EIPR1: variants seen among roughly 807,000 people sequenced by gnomAD.
EIPR1 encodes the protein EARP and GARP complex-interacting protein 1.
Under a neutral mutation model 48.1 loss-of-function variants are expected in EIPR1, and 25 were observed. The observed-to-expected ratio is 0.52, with a 90% CI of 0.38 to 0.73. The LOEUF (loss-of-function observed/expected upper bound fraction) is 0.73, where lower values mean the gene tolerates loss of function less well. EIPR1 is among the 30% of genes least tolerant of loss of function. The probability of loss-of-function intolerance (pLI) is 0.00; values close to 1 mark genes in which losing one functional copy is unlikely to be tolerated. For synonymous variants in EIPR1, 204 were observed against 201.9 expected, an observed-to-expected ratio of 1.01 and a Z score of -0.09; for missense variants, 415 against 506.2, an observed-to-expected ratio of 0.82 and a Z score of 1.73.
intron 4 of EIPR1, among the ~76,000 whole-genome samples, chr2:3,231,194 T>C (rs955281510): frequency 6.6e-6 from 1 of 152,256 alleles, no homozygotes; most frequent in African/African-American, 2.4e-5. Context: ...TGTATGCAGA[T>C]TTTGTATCCT....
chr2:3,199,431 G>T (rs550074152), intron 5 of EIPR1, among the ~76,000 whole-genome samples: 1 of 152,218 alleles, frequency 6.6e-6, no homozygotes, highest in East Asian at 1.9e-4. Context: ...ATTGATTGGG[G>T]AAGTGATAAA....
At chr2:3,253,894 T>C (rs1667076367) in intron 4 of EIPR1, among the ~76,000 whole-genome samples, 1 of 152,088 alleles carries the variant, frequency 6.6e-6, no homozygotes, top group Non-Finnish European at 1.5e-5. Flanking sequence ...CCTAACACCA[T>C]TTCCTGCGGT....
At chr2:3,214,482 C>T (rs974686358) in intron 4 of EIPR1, 7 of 422,478 alleles carry the variant, frequency 1.7e-5, no homozygotes, top group South Asian at 3.1e-5. Context: ...CCTAGCCCCC[C>T]ACCTGGTGTG....
At chr2:3,355,812 TAAATA>T (rs10581799) in intron 1 of EIPR1, among the ~76,000 whole-genome samples, 82,922 of 148,706 alleles carry the variant, frequency 0.56, 24,372 homozygotes, top group Admixed American at 0.65. Flanking sequence ...AGACCCTGTC[TAAATA>T]AAATAAAATA....
chr2:3,244,582 C>T (rs1666737845), intron 4 of EIPR1, among the ~76,000 whole-genome samples: 1 of 152,142 alleles, frequency 6.6e-6, no homozygotes, highest in South Asian at 2.1e-4. Flanking sequence ...AAAATCAGTG[C>T]CCTTTATCAA....
intron 4 of EIPR1, among the ~76,000 whole-genome samples, chr2:3,240,980 C>T (rs941198666): frequency 9.9e-5 from 12 of 120,978 alleles, no homozygotes; most frequent in South Asian, 5.4e-4. Flanking sequence ...GCAAAGCCAG[C>T]AGATCCCTCC....
chr2:3,296,231 GCCCATCCTCACCACACACAGACAC>G (rs1668587320), intron 3 of EIPR1, among the ~76,000 whole-genome samples: 4 of 67,054 alleles, frequency 6.0e-5, no homozygotes, highest in African/African-American at 1.9e-4. Flanking sequence ...CCTCCATCCA[GCCCATCCTCACCACACACAGACAC>G]CCTCCATCCA....
In EIPR1 at chr2:3,189,136, G is replaced by T. The variant is rs964241660; in HGVS notation, c.*198C>A. ...GCTCTGTCTCTGCCGACAGGGGCTG[G>T]GTTCGGGCATTAGCTGTGCCGTCGA... On this transcript the variant is annotated 3_prime_UTR_variant, in exon 9 of 9. Transcript: ENST00000382125. The surrounding 1 kb of genome is among the most constrained non-coding windows in gnomAD (Gnocchi z 4.6). 2.2e-5 allele frequency: 10 copies of T among 448,626 alleles called. 1 individual carries two copies. The highest frequency in any genetic ancestry group is 3.8e-5 in the Non-Finnish European group (10 of 261,174). The allele number at this position is 448,626 out of a possible 1,614,324, so 27.8% of individuals were successfully genotyped here. A position where few individuals can be genotyped will look rare whatever the true frequency, so the allele number is the denominator to read the frequency against.
chr2:3,206,386 C>T (rs2103122909), intron 5 of EIPR1, among the ~76,000 whole-genome samples: 1 of 152,346 alleles, frequency 6.6e-6, no homozygotes, highest in East Asian at 1.9e-4. Context: ...CTCCCACACA[C>T]CACCAAGGGT....
In EIPR1 at chr2:3,194,175, G is replaced by A; in HGVS notation, c.654-9C>T. ...CTATGCAGTAGATCTGGCTGAGGGAGAAGGAAGAACAGCAAAGGAAAATAG... is the reference window on the plus strand; with the variant it reads ...CTATGCAGTAGATCTGGCTGAGGGAAAAGGAAGAACAGCAAAGGAAAATAG... On this transcript the variant is annotated splice_polypyrimidine_tract_variant and intron_variant, in intron 6 of 8. Coordinates refer to ENST00000382125, the MANE Select transcript of EIPR1 (RefSeq NM_003310.5). 1 of 1,612,726 alleles carries A rather than the reference G, an allele frequency of 6.2e-7. No homozygotes were observed. Among genetic ancestry groups the A allele is most frequent in the Non-Finnish European group, 8.5e-7 (1 of 1,179,220 alleles).
At chr2:3,365,627 C>A (rs1008901948) in intron 1 of EIPR1, among the ~76,000 whole-genome samples, 7 of 150,108 alleles carry the variant, frequency 4.7e-5, no homozygotes, top group African/African-American at 1.5e-4. Flanking sequence ...GGCAGAGGAC[C>A]CTGCGGCCTT....
chr2:3,196,852 T>C lies in EIPR1; in HGVS notation c.653+29A>G, dbSNP rs758174713. 6 of 1,609,916 alleles carry C rather than the reference T, an allele frequency of 3.7e-6. No individual in the cohort carries two copies. The South Asian group carries it at 5.5e-5, about 15-fold the overall frequency. On this transcript the variant is annotated intron_variant, in intron 6 of 8. Transcript: ENST00000382125. ...CTGCTCGGTGAGGGAGGAAAGGAAG[T>C]GGGGCCTGCGCCGGGTGGGCTCACT... is the stretch of plus-strand genomic sequence containing the variant.
At chr2:3,367,931 G>C (rs921323105) in intron 1 of EIPR1, among the ~76,000 whole-genome samples, 2 of 152,100 alleles carry the variant, frequency 1.3e-5, no homozygotes, top group Admixed American at 1.3e-4. Context: ...TGTAGACCCA[G>C]CTACTCAGGA....
At chr2:3,318,929 G>T in intron 3 of EIPR1, 2 of 471,500 alleles carry the variant, frequency 4.2e-6, no homozygotes, top group Non-Finnish European at 8.8e-6. Flanking sequence ...TGAGCTACAG[G>T]AAGAATGCCA....
chr2:3,218,225 C>T, intron 4 of EIPR1, among the ~76,000 whole-genome samples: 1 of 149,736 alleles, frequency 6.7e-6, no homozygotes, highest in Non-Finnish European at 1.5e-5. Flanking sequence ...GTCAGGTGCA[C>T]ACTCAACACG....
intron 1 of EIPR1, among the ~76,000 whole-genome samples, chr2:3,363,583 C>T (rs147668914): frequency 8.1e-4 from 123 of 152,242 alleles, no homozygotes; most frequent in Non-Finnish European, 8.8e-5. Flanking sequence ...GTAGTCCCAA[C>T]TGCTCAGGAG....
At chr2:3,346,757 G>A (rs534400460) in intron 2 of EIPR1, among the ~76,000 whole-genome samples, 10 of 152,302 alleles carry the variant, frequency 6.6e-5, no homozygotes, top group African/African-American at 1.9e-4. Context: ...CAGAAAAGAC[G>A]ATAGAAGCTG....
At chr2:3,317,119 T>C (rs879419761) in intron 3 of EIPR1, among the ~76,000 whole-genome samples, 22 of 108,366 alleles carry the variant, frequency 2.0e-4, no homozygotes, top group Middle Eastern at 7.9e-3. Flanking sequence ...GTGCCTTGCA[T>C]GTGGGGTGGA....
intron 3 of EIPR1, among the ~76,000 whole-genome samples, chr2:3,328,288 G>C (rs1219310184): frequency 6.6e-6 from 1 of 152,194 alleles, no homozygotes; most frequent in African/African-American, 2.4e-5. Flanking sequence ...CCTATGGCCT[G>C]CTCATCACAT....
Sources: gnomAD v4.1 joint callset for allele counts (sites outside exome capture counted in the v4.1 genomes callset) on GRCh38, gnomAD v4.1.1 for gene constraint, Gnocchi (gnomAD v3.1) non-coding constraint, MANE v1.5 for transcripts, NCBI Gene and HGNC (gene_info 2026-07-23, HGNC 2026-07-21) for gene names.